The following IFT70B variants were observed in gnomAD, a reference collection of about 807,000 sequenced individuals.
IFT70B encodes the protein intraflagellar transport protein 70B.
At chr2:177,550,870 G>A in the IFT70B span, 5 of 1,613,986 alleles carry the variant, frequency 3.1e-6, no homozygotes, top group African/African-American at 6.7e-5. Flanking sequence ...TCCAGGGGTT[G>A]TTCAATAACA....
chr2:177,549,022 AAG>A, the IFT70B span: 15 of 152,348 alleles, frequency 9.8e-5, 4 homozygotes, highest in South Asian at 3.1e-3. Context: ...GAAAAAAAAA[AAG>A]AATTTTAATA....
chr2:177,550,943 A>G, the IFT70B span: 10 of 1,614,178 alleles, frequency 6.2e-6, no homozygotes, highest in Admixed American at 3.3e-5. Flanking sequence ...CTTGAATAAC[A>G]CTATCACGAA....
the IFT70B span, chr2:177,552,177 A>G: frequency 1.9e-6 from 3 of 1,614,246 alleles, no homozygotes; most frequent in South Asian, 3.3e-5. Flanking sequence ...GTAATAGGCC[A>G]AAGCCAGGTT....
chr2:177,550,681 A>G, the IFT70B span: 1 of 1,258,138 alleles, frequency 7.9e-7, no homozygotes, highest in Non-Finnish European at 1.1e-6. Flanking sequence ...TCAACATGTA[A>G]CAAATATAAA....
At chr2:177,549,809 C>T in the IFT70B span, 2 of 152,098 alleles carry the variant, frequency 1.3e-5, no homozygotes, top group South Asian at 4.1e-4. Flanking sequence ...GAGATTTTTC[C>T]TTATTCAAGA....
At chr2:177,549,509 C>A in the IFT70B span, 1 of 152,144 alleles carries the variant, frequency 6.6e-6, no homozygotes, top group East Asian at 1.9e-4. Flanking sequence ...TGAGAAACTG[C>A]TAGTTTTGTA....
the IFT70B span, chr2:177,550,996 A>G: frequency 3.7e-6 from 6 of 1,614,198 alleles, no homozygotes; most frequent in Admixed American, 1.7e-5. Flanking sequence ...AAGGACAGGA[A>G]GCATCTTTTG....
At chr2:177,551,955 G>A in the IFT70B span, 12 of 1,614,102 alleles carry the variant, frequency 7.4e-6, no homozygotes, top group Non-Finnish European at 1.0e-5. Flanking sequence ...GGCTTCTTGA[G>A]CTGCCTCATA....
the IFT70B span, chr2:177,552,267 T>C: frequency 1.9e-6 from 3 of 1,614,234 alleles, no homozygotes; most frequent in Non-Finnish European, 2.5e-6. Flanking sequence ...CTGTCCCTCC[T>C]TGTAGAGCAA....
chr2:177,551,948 T>C, the IFT70B span: 1 of 1,614,200 alleles, frequency 6.2e-7, no homozygotes, highest in Admixed American at 1.7e-5. Context: ...CAGTGAGGGC[T>C]TCTTGAGCTG....
At chr2:177,550,425 G>T in the IFT70B span, 1 of 178,824 alleles carries the variant, frequency 5.6e-6, no homozygotes, top group Non-Finnish European at 1.2e-5. Context: ...AACTATTACT[G>T]AGATAGTGCT....
chr2:177,549,802 A>AT, the IFT70B span: 7 of 152,128 alleles, frequency 4.6e-5, no homozygotes, highest in Non-Finnish European at 1.5e-5. Context: ...GGTGGCTGAG[A>AT]TTTTTCCTTA....
At chr2:177,551,978 G>T in the IFT70B span, 24 of 1,614,202 alleles carry the variant, frequency 1.5e-5, no homozygotes, top group South Asian at 2.5e-4. Context: ...TTCTCAGTTG[G>T]TATTCTATAG....
the IFT70B span, chr2:177,552,146 T>C: frequency 6.2e-7 from 1 of 1,614,224 alleles, no homozygotes; most frequent in Non-Finnish European, 8.5e-7. Context: ...GCTTCAGTGC[T>C]GAAGCATACT....
the IFT70B span, chr2:177,550,735 G>A: frequency 7.5e-5 from 115 of 1,530,700 alleles, no homozygotes; most frequent in Middle Eastern, 1.7e-4. Flanking sequence ...ACATAACAAA[G>A]CCATTTGATA....
At chr2:177,550,930 A>G in the IFT70B span, 2 of 1,614,162 alleles carry the variant, frequency 1.2e-6, no homozygotes, top group Non-Finnish European at 1.7e-6. Context: ...AACTGGACAC[A>G]TTCTTGAATA....
At chr2:177,552,572 C>T in the IFT70B span, 2 of 1,597,894 alleles carry the variant, frequency 1.3e-6, no homozygotes, top group Non-Finnish European at 8.5e-7. Flanking sequence ...AGCACTCGGC[C>T]GCCAGCGCGA....
At chr2:177,552,686 G>C in the IFT70B span, 4 of 1,598,352 alleles carry the variant, frequency 2.5e-6, no homozygotes, top group Non-Finnish European at 3.4e-6. Context: ...CCTCGGCGTA[G>C]CGTGCATTGC....
the IFT70B span, chr2:177,552,064 T>C: frequency 1.2e-6 from 2 of 1,614,234 alleles, no homozygotes; most frequent in Non-Finnish European, 1.7e-6. Flanking sequence ...CGAACATCAA[T>C]GCCCTCAGTG....
Sources: gnomAD v4.1 joint callset for allele counts on GRCh38, gnomAD v4.1.1 for gene constraint, MANE v1.5 for transcripts, NCBI Gene and HGNC (gene_info 2026-07-23, HGNC 2026-07-21) for gene names.